Variants in TIAM2 observed in about 807,000 individuals in gnomAD.
TIAM2 encodes TIAM Rac1 associated GEF 2.
Under a neutral mutation model 152.9 loss-of-function variants are expected in TIAM2, and 80 were observed. The ratio of observed to expected loss-of-function variants is 0.52; its 90% confidence interval spans 0.44 to 0.63. The LOEUF is 0.63. Ranked by LOEUF, TIAM2 falls within the 30% of genes least tolerant of loss-of-function variation. The pLI is 0.00. For synonymous variants in TIAM2, 804 were observed against 838.0 expected, an observed-to-expected ratio of 0.96 and a Z score of 0.70; for missense variants, 1,965 against 2,120.1, an observed-to-expected ratio of 0.93 and a Z score of 1.44.
chr6:155,193,621 T>C (rs1228248166), intron 14 of TIAM2, among the ~76,000 whole-genome samples: 1 of 152,188 alleles, frequency 6.6e-6, no homozygotes, highest in Non-Finnish European at 1.5e-5. Context: ...TTAGTTCCGC[T>C]CCCAACACAG....
intron 2 of TIAM2, among the ~76,000 whole-genome samples, chr6:155,116,136 C>G (rs1047584827): frequency 6.6e-6 from 1 of 152,146 alleles, no homozygotes; most frequent in Non-Finnish European, 1.5e-5. Context: ...CCTTCCCCCT[C>G]CATCCGTGTT....
intron 1 of TIAM2, among the ~76,000 whole-genome samples, chr6:155,051,209 T>C (rs1777308697): frequency 6.6e-6 from 1 of 151,954 alleles, no homozygotes; most frequent in Non-Finnish European, 1.5e-5. Context: ...TGGTCTCCAG[T>C]GGAGAATAAG....
Position 155,130,161 on chromosome 6 carries a change from C to T in TIAM2, c.938C>T (p.Pro313Leu), listed in dbSNP as rs770893650. ...GATGCCAACCTGGGGAGCCTCTCCC[C>T]CTCAGGTATCCGCCTTTCTGATGAA... ...YKDANLGSLSPSGIRLSDEYM... is the reference protein window; with the variant it reads ...YKDANLGSLSLSGIRLSDEYM... Residue 313 changes from proline to leucine, a missense_variant, in exon 4 of 27, where the codon CCC becomes CTC. Transcript: ENST00000682666. 2.4e-5 allele frequency: 39 copies of T among 1,614,062 alleles called. No individual in the cohort carries two copies. Among genetic ancestry groups the T allele is most frequent in the Non-Finnish European group, 3.2e-5 (38 of 1,180,050 alleles).
chr6:155,119,655 A>G (rs1286276485), intron 2 of TIAM2, among the ~76,000 whole-genome samples: 1 of 152,166 alleles, frequency 6.6e-6, no homozygotes, highest in Admixed American at 6.5e-5. Context: ...GACTTTTCGA[A>G]TGTTTTGGGA....
intron 1 of TIAM2, among the ~76,000 whole-genome samples, chr6:154,997,507 T>C (rs186757679): frequency 2.0e-4 from 31 of 152,078 alleles, no homozygotes; most frequent in African/African-American, 7.2e-4. Flanking sequence ...AAAAGTACAG[T>C]ATGGGTTAGT....
intron 15 of TIAM2, among the ~76,000 whole-genome samples, chr6:155,219,552 T>A (rs1007701877): frequency 5.9e-5 from 9 of 152,258 alleles, no homozygotes; most frequent in Non-Finnish European, 8.8e-5. Flanking sequence ...GTGGACTTGT[T>A]TGAAATGACT....
intron 2 of TIAM2, among the ~76,000 whole-genome samples, chr6:155,110,115 A>AT (rs896116350): frequency 1.6e-4 from 24 of 150,096 alleles, no homozygotes; most frequent in African/African-American, 4.1e-4. Context: ...CGCCCGGCTA[A>AT]TTTTTTTTTG....
intron 4 of TIAM2, among the ~76,000 whole-genome samples, chr6:155,131,071 T>G (rs1779434959): frequency 6.6e-6 from 1 of 152,228 alleles, no homozygotes; most frequent in Admixed American, 6.5e-5. Context: ...ATCTTAAGAC[T>G]TGGCCATAGC....
At chr6:155,021,470 C>T (rs534858419) in intron 1 of TIAM2, among the ~76,000 whole-genome samples, 47 of 152,226 alleles carry the variant, frequency 3.1e-4, no homozygotes, top group African/African-American at 1.1e-3. Context: ...CCATGTTGGT[C>T]AGGCTGGTCT....
chr6:155,235,700 G>A (rs1782717205), intron 15 of TIAM2, among the ~76,000 whole-genome samples: 1 of 152,182 alleles, frequency 6.6e-6, no homozygotes, highest in East Asian at 1.9e-4. Flanking sequence ...TACAAAAGGT[G>A]GCTTTCTAGC....
rs1270186876 is a variant in TIAM2 at position 155,183,507 on chromosome 6, C to T, written c.3064+7C>T. On this transcript the variant is annotated splice_region_variant and intron_variant, in intron 14 of 26. Coordinates refer to ENST00000682666, the MANE Select transcript of TIAM2 (RefSeq NM_012454.4). Reference sequence around the variant, plus strand: ...AAAAAGAATACAGCCAATGGTAAGGCTTTGTTCTGTCTTCCTTCTTAACTG... The same window carrying T: ...AAAAAGAATACAGCCAATGGTAAGGTTTTGTTCTGTCTTCCTTCTTAACTG... 1.9e-6 allele frequency: 3 copies of T among 1,601,950 alleles called. No individual in the cohort carries two copies. Among genetic ancestry groups the T allele is most frequent in the East Asian group, 4.5e-5 (2 of 44,696 alleles).
At chr6:155,007,729 G>A (rs1778424046) in intron 1 of TIAM2, among the ~76,000 whole-genome samples, 1 of 152,084 alleles carries the variant, frequency 6.6e-6, no homozygotes, top group Non-Finnish European at 1.5e-5. Flanking sequence ...CATGTAATTG[G>A]AATTTTAAAA....
At chr6:155,143,937 G>C (rs1779767376) in intron 5 of TIAM2, among the ~76,000 whole-genome samples, 1 of 151,916 alleles carries the variant, frequency 6.6e-6, no homozygotes, top group Non-Finnish European at 1.5e-5. Context: ...TTCTTTCTAA[G>C]CAGGAGCTAC....
chr6:155,097,995 G>A (rs768623795), intron 2 of TIAM2, among the ~76,000 whole-genome samples: 20 of 152,064 alleles, frequency 1.3e-4, no homozygotes, highest in Non-Finnish European at 1.8e-4. Flanking sequence ...TGGATTCTCT[G>A]TTCTGTTCTA....
rs920461171 is a variant in TIAM2, at chr6:155,228,362, A to G, written c.3169-12168A>G. ...TTTGTCTTCAAATAAAGTGATAAAGATAATCTTTTTGGCGCTTTATTGTCC... is the reference window on the plus strand; with the variant it reads ...TTTGTCTTCAAATAAAGTGATAAAGGTAATCTTTTTGGCGCTTTATTGTCC... On this transcript the variant is annotated intron_variant, in intron 15 of 26. Coordinates refer to ENST00000682666, the MANE Select transcript of TIAM2 (RefSeq NM_012454.4). Among the ~76,000 whole-genome samples the G allele has an allele frequency of 8.5e-5, 13 of 152,210 alleles. No homozygotes were observed. In the East Asian group the frequency reaches 1.7e-3, roughly 20 times the overall value.
chr6:155,176,970 C>T lies in TIAM2; in HGVS notation c.2516C>T (p.Ala839Val). The T allele has an allele frequency of 1.2e-6, 2 of 1,606,108 alleles. No individual in the cohort carries two copies. Among genetic ancestry groups the T allele is most frequent in the Non-Finnish European group, 1.7e-6 (2 of 1,177,308 alleles). ...EHRVEDILTL[A>V]CKMRQLEPSH... ...AGAGTAGAAGATATTTTGACTTTGG[C>T]ATGCAAGGTAACGGATTTTGCTGCA... The change falls in exon 10 of 27, where the codon GCA becomes GTA. Residue 839 changes from alanine to valine, a missense_variant. Physicochemically the swap from Ala to Val is moderately conservative, Grantham distance 64. Around this residue, in one of 3 missense-constraint regions of TIAM2, gnomAD observed 1,025 missense variants for 1,119.4 expected, o/e 0.92. Transcript: ENST00000682666.
intron 4 of TIAM2, among the ~76,000 whole-genome samples, chr6:155,136,731 T>C (rs963526415): frequency 6.6e-6 from 1 of 152,088 alleles, no homozygotes; most frequent in Non-Finnish European, 1.5e-5. Flanking sequence ...TTCCCCACCC[T>C]ACCCTGGTAT....
chr6:155,118,052 A>G (rs919262212), intron 2 of TIAM2, among the ~76,000 whole-genome samples: 1 of 152,126 alleles, frequency 6.6e-6, no homozygotes, highest in Non-Finnish European at 1.5e-5. Context: ...CTCCTTTCCC[A>G]GAGGGTGTTC....
intron 15 of TIAM2, among the ~76,000 whole-genome samples, chr6:155,220,421 G>A (rs569570399): frequency 6.6e-6 from 1 of 152,302 alleles, no homozygotes; most frequent in South Asian, 2.1e-4. Context: ...CTGGTCTGGA[G>A]GCCTGGCGGG....
Sources: gnomAD v4.1 joint callset for allele counts (sites outside exome capture counted in the v4.1 genomes callset) on GRCh38, gnomAD v4.1.1 for gene constraint, gnomAD v4.1.1 regional missense constraint, MANE v1.5 for transcripts, NCBI Gene and HGNC (gene_info 2026-07-23, HGNC 2026-07-21) for gene names.